RAPGEF1: variants seen among roughly 807,000 people sequenced by gnomAD.
RAPGEF1 encodes the protein Rap guanine nucleotide exchange factor 1, also known as CRK SH3-binding GNRP.
A neutral mutation model predicts 143.3 loss-of-function variants in RAPGEF1; 33 were observed. That is an observed-to-expected ratio of 0.23 (90% CI 0.17 to 0.31). RAPGEF1 has a LOEUF of 0.31. Ranked by LOEUF, RAPGEF1 falls within the 10% of genes least tolerant of loss-of-function variation. The pLI, the probability that RAPGEF1 is intolerant of heterozygous loss-of-function variation, is 1.00. For synonymous variants in RAPGEF1, 629 were observed against 676.5 expected, an observed-to-expected ratio of 0.93 and a Z score of 1.09; for missense variants, 1,199 against 1,645.4, an observed-to-expected ratio of 0.73 and a Z score of 4.69.
At chr9:131,632,644 G>A (rs1441879563) in intron 5 of RAPGEF1, among the ~76,000 whole-genome samples, 3 of 152,160 alleles carry the variant, frequency 2.0e-5, no homozygotes, top group Middle Eastern at 3.2e-3. Context: ...TGACCATTAC[G>A]TTGTTATTAA....
chr9:131,583,194 G>C lies in RAPGEF1; in HGVS notation c.3415-492C>G, dbSNP rs1461464781. The stretch of plus-strand genomic sequence containing the variant: ...TGGGTGGCTTCTCTCCTGCAGGGGT[G>C]GGGGGCTCCCACCTAGGAGACTCAG... On this transcript the variant is annotated intron_variant, in intron 24 of 26. Coordinates refer to ENST00000683357, the MANE Select transcript of RAPGEF1 (RefSeq NM_001377935.1). This position sits in a 1 kb window ranked among gnomAD's most constrained non-coding sequence, Gnocchi z 4.7. Among the ~76,000 whole-genome samples the C allele has an allele frequency of 1.3e-5, 2 of 152,098 alleles. No individual in the cohort carries two copies. The highest frequency in any genetic ancestry group is 1.9e-4 in the East Asian group (1 of 5,180).
chr9:131,683,235 C>T (rs1325726558), intron 1 of RAPGEF1, among the ~76,000 whole-genome samples: 1 of 152,168 alleles, frequency 6.6e-6, no homozygotes, highest in East Asian at 1.9e-4. Context: ...GTTAAGCCTC[C>T]GGAACCTATA....
chr9:131,674,849 G>A (rs1832034647), intron 1 of RAPGEF1, among the ~76,000 whole-genome samples: 1 of 152,172 alleles, frequency 6.6e-6, no homozygotes, highest in African/African-American at 2.4e-5. Flanking sequence ...GGGCAGACCT[G>A]AAGCATCGCT....
chr9:131,607,938 G>A (rs12236783), intron 12 of RAPGEF1, among the ~76,000 whole-genome samples: 15,341 of 152,218 alleles, frequency 0.1, 1,189 homozygotes, highest in African/African-American at 0.21. Context: ...CAATCATATA[G>A]TGTGTTTAGC....
intron 16 of RAPGEF1, 109 bp from the exon 17 acceptor site, chr9:131,596,482 G>T: frequency 9.2e-7 from 1 of 1,088,434 alleles, no homozygotes. Context: ...GCAACCCCAA[G>T]TCCCCTCTCC....
intron 1 of RAPGEF1, among the ~76,000 whole-genome samples, chr9:131,731,332 A>C (rs1485629056): frequency 2.0e-5 from 3 of 152,220 alleles, no homozygotes; most frequent in African/African-American, 7.2e-5. Flanking sequence ...AGAGTAGCCA[A>C]TTCCATGACT....
In RAPGEF1 at chr9:131,678,750, G is replaced by A. The variant is rs574740753; in HGVS notation, c.62-27801C>T. 2.0e-5 allele frequency among the ~76,000 whole-genome samples: 3 copies of A among 152,282 alleles called. No homozygotes were observed. The South Asian group carries it at 6.2e-4, about 32-fold the overall frequency. On this transcript the variant is annotated intron_variant, in intron 1 of 26. Transcript: ENST00000683357. The stretch of plus-strand genomic sequence containing the variant: ...CTGCAGGTACTAGCAGGACCTCAGG[G>A]GTGCAAAAGGACACCCAATCAAACA...
At position 131,668,627 on chromosome 9, in the gene RAPGEF1, C is replaced by T. The variant is rs557513531; in HGVS notation, c.62-17678G>A. Among the ~76,000 whole-genome samples, 201 of 152,256 alleles carry T rather than the reference C, an allele frequency of 1.3e-3. 1 individual carries two copies. The highest frequency in any genetic ancestry group is 4.5e-3 in the African/African-American group (187 of 41,552). ...AGCCGGTGTCCTGAACCACTCAAGG[C>T]GGCCTGTCCCCACGGTGGCCTACTC... On this transcript the variant is annotated intron_variant, in intron 1 of 26. Transcript: ENST00000683357.
At chr9:131,712,379 TCC>T (rs1415401403) in intron 1 of RAPGEF1, among the ~76,000 whole-genome samples, 2 of 152,136 alleles carry the variant, frequency 1.3e-5, no homozygotes, top group African/African-American at 4.8e-5. Context: ...ACACTGATTG[TCC>T]CCACCCCCTG....
chr9:131,609,915 G>A (rs1426860049), intron 12 of RAPGEF1, among the ~76,000 whole-genome samples: 1 of 151,958 alleles, frequency 6.6e-6, no homozygotes, highest in Non-Finnish European at 1.5e-5. Flanking sequence ...TTCTTTTTTT[G>A]AGACAGGGTC....
intron 1 of RAPGEF1, among the ~76,000 whole-genome samples, chr9:131,698,717 G>A (rs1025564808): frequency 6.6e-6 from 1 of 152,180 alleles, no homozygotes; most frequent in Non-Finnish European, 1.5e-5. Context: ...CCTCAGGGCT[G>A]CCCCCCTTCC....
At chr9:131,697,664 A>C (rs1834295241) in intron 1 of RAPGEF1, among the ~76,000 whole-genome samples, 1 of 152,262 alleles carries the variant, frequency 6.6e-6, no homozygotes, top group South Asian at 2.1e-4. Flanking sequence ...GATGGCTCAA[A>C]GTGTCCACTC....
chr9:131,639,565 A>T (rs968782573), intron 4 of RAPGEF1, among the ~76,000 whole-genome samples: 23 of 152,130 alleles, frequency 1.5e-4, no homozygotes, highest in Non-Finnish European at 4.4e-5. Context: ...CCGAATGGAG[A>T]ATTTTTACAT....
At position 131,586,649 on chromosome 9, in the gene RAPGEF1, AAC is replaced by A. The variant is rs141658733; in HGVS notation, c.3233+1085_3233+1086del. 6.5e-4 allele frequency among the ~76,000 whole-genome samples: 45 copies of A among 69,662 alleles called. 5 individuals carry two copies. In the East Asian group the frequency reaches 8.5e-3, roughly 13 times the overall value. 45.7% of individuals were successfully genotyped at this position (69,662 alleles called of 152,430 possible). A position where few individuals can be genotyped will look rare whatever the true frequency, so the allele number is the denominator to read the frequency against. ...ACACACCTGCAGAGACTCCGTCTCA[AAC>A]ACACACACACACACACACCCCTGCA... On this transcript the variant is annotated intron_variant, in intron 22 of 26. Coordinates refer to ENST00000683357, the MANE Select transcript of RAPGEF1 (RefSeq NM_001377935.1).
intron 1 of RAPGEF1, among the ~76,000 whole-genome samples, chr9:131,715,044 C>T (rs940795442): frequency 6.6e-6 from 1 of 152,020 alleles, no homozygotes; most frequent in Non-Finnish European, 1.5e-5. Context: ...CTGTCCAGGC[C>T]TGGAGGAAAT....
intron 11 of RAPGEF1, 23 bp from the exon 12 acceptor site, chr9:131,619,229 G>C (rs539355653): frequency 7.7e-7 from 1 of 1,300,290 alleles, no homozygotes; most frequent in Admixed American, 2.3e-5. Flanking sequence ...GGGGAGGAGA[G>C]AGAAGGCAGG....
intron 25 of RAPGEF1, among the ~76,000 whole-genome samples, chr9:131,580,943 G>A (rs2132074258): frequency 6.6e-6 from 1 of 152,184 alleles, no homozygotes; most frequent in South Asian, 2.1e-4. Flanking sequence ...TCAGGAGTTT[G>A]AGATCAACCT....
At chr9:131,594,218 G>A (rs976033250) in intron 17 of RAPGEF1, among the ~76,000 whole-genome samples, 1 of 152,208 alleles carries the variant, frequency 6.6e-6, no homozygotes, top group African/African-American at 2.4e-5. Flanking sequence ...GAGATCACAG[G>A]ACTCTCGATG....
chr9:131,704,053 C>T (rs1834865730), intron 1 of RAPGEF1, among the ~76,000 whole-genome samples: 2 of 152,060 alleles, frequency 1.3e-5, no homozygotes, highest in South Asian at 4.2e-4. Flanking sequence ...TGTGAATTAT[C>T]TCATTTAGTG....
Sources: gnomAD v4.1 joint callset for allele counts (sites outside exome capture counted in the v4.1 genomes callset) on GRCh38, gnomAD v4.1.1 for gene constraint, Gnocchi (gnomAD v3.1) non-coding constraint, MANE v1.5 for transcripts, NCBI Gene and HGNC (gene_info 2026-07-23, HGNC 2026-07-21) for gene names.